Variants in TRDMT1 observed in about 807,000 individuals in gnomAD.
TRDMT1 encodes the protein tRNA aspartic acid methyltransferase 1.
A neutral mutation model predicts 51.2 loss-of-function variants in TRDMT1; 49 were observed. The observed-to-expected ratio is 0.96, with a 90% CI of 0.76 to 1.21. TRDMT1 has a LOEUF of 1.21. Ranked by LOEUF, TRDMT1 falls within the 50% of genes most tolerant of loss-of-function variation. The pLI, the probability that TRDMT1 is intolerant of heterozygous loss-of-function variation, is 0.00. For missense variants in TRDMT1, 534 were observed against 462.3 expected (o/e 1.16, Z -1.42); for synonymous variants, 187 against 164.6 (o/e 1.14, Z -1.04).
Position 17,140,789 on chromosome 10 carries a change from T to G in TRDMT1, c.*8251A>C, listed in dbSNP as rs1837615150. 6.6e-6 allele frequency among the ~76,000 whole-genome samples: 1 copy of G among 152,220 alleles called. No individual in the cohort carries two copies. On this transcript the variant is annotated 3_prime_UTR_variant, in exon 11 of 11. Transcript: ENST00000377799. ...TAAACAAGAAAAATTAAAATGCTATTACTCTAACATAACTGCTATCATTAT... is the reference window on the plus strand; with the variant it reads ...TAAACAAGAAAAATTAAAATGCTATGACTCTAACATAACTGCTATCATTAT...
At position 17,146,892 on chromosome 10, in the gene TRDMT1, T is replaced by C; in HGVS notation, c.*2148A>G. 1.0e-6 allele frequency: 1 copy of C among 981,702 alleles called. No homozygotes were observed. The highest frequency in any genetic ancestry group is 1.2e-6 in the Non-Finnish European group (1 of 828,266). The allele number at this position is 981,702 out of a possible 1,614,324, so 60.8% of individuals were successfully genotyped here. On this transcript the variant is annotated 3_prime_UTR_variant, in exon 11 of 11. Transcript: ENST00000377799. ...ACTGGTAGATACATCTTCATTAAGA[T>C]GTGAGTTTTATGCTTGTTACTGCAT...
At position 17,141,646 on chromosome 10, in the gene TRDMT1, C is replaced by T. The variant is rs114919911; in HGVS notation, c.*7394G>A. Among the ~76,000 whole-genome samples, 1,240 of 152,268 alleles carry T rather than the reference C, an allele frequency of 8.1e-3. 25 individuals are homozygous for T. The highest frequency in any genetic ancestry group is 0.028 in the African/African-American group (1,172 of 41,538). On this transcript the variant is annotated 3_prime_UTR_variant, in exon 11 of 11. Transcript: ENST00000377799. ...TTTTGTCAGCCTATCTTTGCCCTAT[C>T]ATTTAGATCAGGTAAATTCTACTGA...
chr10:17,151,061 G>A, intron 10 of TRDMT1: 1 of 935,094 alleles, frequency 1.1e-6, no homozygotes, highest in Non-Finnish European at 1.3e-6. Flanking sequence ...AAATTATTAG[G>A]TTGGTGCAAA....
Position 17,141,481 on chromosome 10 carries a change from G to A in TRDMT1, c.*7559C>T, listed in dbSNP as rs1454192938. The stretch of plus-strand genomic sequence containing the variant: ...AGCCTCCAGCTGCTTTTAAGGTTTT[G>A]CCAAATTTGGGATGTTTCCAGCCAT... On this transcript the variant is annotated 3_prime_UTR_variant, in exon 11 of 11. Transcript: ENST00000377799. 1.3e-5 allele frequency among the ~76,000 whole-genome samples: 2 copies of A among 150,004 alleles called. No homozygotes were observed. The highest frequency in any genetic ancestry group is 3.0e-5 in the Non-Finnish European group (2 of 67,292).
intron 2 of TRDMT1, chr10:17,169,520 T>C: frequency 2.3e-6 from 3 of 1,289,820 alleles, no homozygotes; most frequent in South Asian, 2.5e-5. Flanking sequence ...AGCTGAAAAC[T>C]GTGCTGTGTT....
intron 10 of TRDMT1, chr10:17,151,108 G>A (rs58447994): frequency 1.3e-6 from 1 of 772,624 alleles, no homozygotes; most frequent in Admixed American, 6.3e-5. Context: ...TAAAGCATCT[G>A]TGCATATTTC....
intron 10 of TRDMT1, chr10:17,151,182 C>A (rs1588701234): frequency 2.5e-6 from 2 of 804,754 alleles, no homozygotes; most frequent in East Asian, 2.5e-4. Flanking sequence ...AAAGTGATGG[C>A]AAATTACTTT....
chr10:17,194,050 A>T lies in TRDMT1; in HGVS notation c.64+7521T>A, dbSNP rs185414345. On this transcript the variant is annotated intron_variant, in intron 1 of 10. Coordinates refer to ENST00000377799, the MANE Select transcript of TRDMT1 (RefSeq NM_004412.7). ...ATCTTCAACAAAGTAGACAAAAAAA[A>T]TGGGGAAAGGACTCACTATTTAATA... Among the ~76,000 whole-genome samples the T allele has an allele frequency of 1.3e-3, 192 of 152,320 alleles. 1 individual carries two copies. The highest frequency in any genetic ancestry group is 3.9e-3 in the Admixed American group (60 of 15,300).
chr10:17,147,879 C>T lies in TRDMT1; in HGVS notation c.*1161G>A, dbSNP rs951879620. On this transcript the variant is annotated 3_prime_UTR_variant, in exon 11 of 11. Transcript: ENST00000377799. ...GGTAATTCTATGTTGAATTTTGTGACGAACCTCCATAGCGTTTTCCAACAG... is the reference window on the plus strand; with the variant it reads ...GGTAATTCTATGTTGAATTTTGTGATGAACCTCCATAGCGTTTTCCAACAG... 4 of 549,796 alleles carry T rather than the reference C, an allele frequency of 7.3e-6. No homozygotes were observed. Among genetic ancestry groups the T allele is most frequent in the East Asian group, 2.9e-4 (2 of 6,866 alleles). The allele number at this position is 549,796 out of a possible 1,614,324, so 34.1% of individuals were successfully genotyped here.
intron 1 of TRDMT1, among the ~76,000 whole-genome samples, chr10:17,183,322 C>T (rs1294845385): frequency 1.3e-5 from 2 of 152,104 alleles, no homozygotes; most frequent in Non-Finnish European, 2.9e-5. Flanking sequence ...GAGGCTATCC[C>T]CTGGTGGTGA....
chr10:17,186,002 T>C (rs1234906154), intron 1 of TRDMT1, among the ~76,000 whole-genome samples: 1 of 151,744 alleles, frequency 6.6e-6, no homozygotes, highest in African/African-American at 2.4e-5. Flanking sequence ...TGTATACCTA[T>C]GTAACAAACC....
At chr10:17,182,502 G>A (rs1843392092) in intron 1 of TRDMT1, among the ~76,000 whole-genome samples, 1 of 152,178 alleles carries the variant, frequency 6.6e-6, no homozygotes, top group Admixed American at 6.5e-5. Flanking sequence ...GGCAAACAGA[G>A]CAATATGAAT....
Position 17,150,945 on chromosome 10 carries a change from G to A in TRDMT1, c.1076-1805C>T, listed in dbSNP as rs868609121. ...TTGCAATATTACAATTACCTCAGAA[G>A]GAAAGAAAGGTTTGAAAACAAATAA... On this transcript the variant is annotated intron_variant, in intron 10 of 10. Transcript: ENST00000377799. 84 of 985,206 alleles carry A rather than the reference G, an allele frequency of 8.5e-5. No homozygotes were observed. The African/African-American group carries it at 1.4e-3, about 16-fold the overall frequency. The allele number at this position is 985,206 out of a possible 1,614,324, so 61.0% of individuals were successfully genotyped here.
chr10:17,174,766 A>G, intron 1 of TRDMT1, 106 bp from the exon 2 acceptor site: 2 of 876,060 alleles, frequency 2.3e-6, no homozygotes, highest in Non-Finnish European at 3.6e-6. Flanking sequence ...TTCTTCATTT[A>G]TTAGCCTCAT....
In TRDMT1 at chr10:17,137,827, C is replaced by CA. The variant is rs1261756229; in HGVS notation, c.*11212dup. 9.0e-4 allele frequency among the ~76,000 whole-genome samples: 77 copies of CA among 85,562 alleles called. No individual in the cohort carries two copies. Among genetic ancestry groups the CA allele is most frequent in the African/African-American group, 1.9e-3 (39 of 20,644 alleles). The allele number at this position is 85,562 out of a possible 152,430, so 56.1% of individuals were successfully genotyped here. A position where few individuals can be genotyped will look rare whatever the true frequency, so the allele number is the denominator to read the frequency against. On this transcript the variant is annotated 3_prime_UTR_variant, in exon 11 of 11. Coordinates refer to ENST00000377799, the MANE Select transcript of TRDMT1 (RefSeq NM_004412.7). The stretch of plus-strand genomic sequence containing the variant: ...CCTGGGTGACAGAGCGAAACTCTGC[C>CA]AAAAAAAAAAGAAAAAAAAAAAAAG...
At position 17,151,987 on chromosome 10, in the gene TRDMT1, A is replaced by T. The variant is rs12268853; in HGVS notation, c.1075+1520T>A. On this transcript the variant is annotated intron_variant, in intron 10 of 10. Transcript: ENST00000377799. ...CTCCTTACCAAGGTTCAGTATTACC[A>T]AAGTGACTACTGCCCTTTGAAAACA... 6,986 of 1,290,758 alleles carry T rather than the reference A, an allele frequency of 5.4e-3. 243 individuals are homozygous for T. The African/African-American group carries it at 0.085, about 16-fold the overall frequency. 80.0% of individuals were successfully genotyped at this position (1,290,758 alleles called of 1,614,324 possible). A position where few individuals can be genotyped will look rare whatever the true frequency, so the allele number is the denominator to read the frequency against.
At position 17,170,041 on chromosome 10, in the gene TRDMT1, A is replaced by G. The variant is rs576740607; in HGVS notation, c.175-1124T>C. On this transcript the variant is annotated intron_variant, in intron 2 of 10. Coordinates refer to ENST00000377799, the MANE Select transcript of TRDMT1 (RefSeq NM_004412.7). ...ATGATAAGCAACTGGACGTGGAATG[A>G]TAACAGCTAAATTCCTACAACTAAA... is the stretch of plus-strand genomic sequence containing the variant. 5.3e-5 allele frequency among the ~76,000 whole-genome samples: 8 copies of G among 152,332 alleles called. No individual in the cohort carries two copies. In the East Asian group the frequency reaches 1.4e-3, roughly 26 times the overall value.
Position 17,143,876 on chromosome 10 carries a change from C to G in TRDMT1, c.*5164G>C. 2 of 985,270 alleles carry G rather than the reference C, an allele frequency of 2.0e-6. No homozygotes were observed. Among genetic ancestry groups the G allele is most frequent in the Non-Finnish European group, 2.4e-6 (2 of 829,904 alleles). The allele number at this position is 985,270 out of a possible 1,614,324, so 61.0% of individuals were successfully genotyped here. A position where few individuals can be genotyped will look rare whatever the true frequency, so the allele number is the denominator to read the frequency against. ...ATATTAAAGTCAAGAGTGGAACTGACTATAGAATGGAGTGTGCTTAGGTTG... is the reference window on the plus strand; with the variant it reads ...ATATTAAAGTCAAGAGTGGAACTGAGTATAGAATGGAGTGTGCTTAGGTTG... On this transcript the variant is annotated 3_prime_UTR_variant, in exon 11 of 11. Transcript: ENST00000377799.
At chr10:17,179,754 T>TAAAA (rs10709345) in intron 1 of TRDMT1, among the ~76,000 whole-genome samples, 3 of 127,016 alleles carry the variant, frequency 2.4e-5, no homozygotes, top group African/African-American at 8.7e-5. Context: ...TCTCTACTAA[T>TAAAA]AAAAAAAAAA....
Sources: allele counts gnomAD v4.1 joint callset (sites outside exome capture counted in the v4.1 genomes callset), GRCh38; gene constraint gnomAD v4.1.1; transcripts MANE v1.5; gene names NCBI Gene and HGNC (gene_info 2026-07-23, HGNC 2026-07-21).